Variants in NXPE4 observed in about 807,000 individuals in gnomAD.
NXPE4 encodes neurexophilin and PC-esterase domain family member 4.
A neutral mutation model predicts 33.3 loss-of-function variants in NXPE4; 42 were observed. That is an observed-to-expected ratio of 1.26 (90% CI 0.98 to 1.63). The LOEUF is 1.63. Among genes scored for constraint, NXPE4 ranks in the 40% most tolerant of loss-of-function variants. The pLI is 0.00. For missense variants in NXPE4, 709 were observed against 647.6 expected (o/e 1.09, Z -1.03); for synonymous variants, 253 against 234.9 (o/e 1.08, Z -0.71).
rs368421021 is a variant in NXPE4 at position 114,582,484 on chromosome 11, T to C, written c.634A>G (p.Thr212Ala). 165 of 1,614,148 alleles carry C rather than the reference T, an allele frequency of 1.0e-4. No homozygotes were observed. Among genetic ancestry groups the C allele is most frequent in the Non-Finnish European group, 1.4e-4 (161 of 1,180,008 alleles). The change falls in exon 3 of 6, where the codon ACT (threonine) becomes GCT (alanine). Residue 212 changes from threonine (T) to alanine (A), a missense_variant. Transcript: ENST00000375478. ...VIFTGQFVNG[T>A]SQVHSECGLI... ...CCACATTCAGAGTGGACTTGGGAAGTGCCATTGACAAACTGGCCAGTGAAG... is the reference window on the plus strand; with the variant it reads ...CCACATTCAGAGTGGACTTGGGAAGCGCCATTGACAAACTGGCCAGTGAAG...
chr11:114,663,618 T>TA, the NXPE4 span, among the ~76,000 whole-genome samples: 62 of 95,358 alleles, frequency 6.5e-4, 1 homozygote, highest in Admixed American at 7.2e-3. Flanking sequence ...TCTATCTATC[T>TA]ATCTATCTAT....
rs753626303 is a variant in NXPE4, at chr11:114,582,471, T to C, written c.647A>G (p.His216Arg). The C allele has an allele frequency of 6.2e-7, 1 of 1,614,036 alleles. No individual in the cohort carries two copies. Among genetic ancestry groups the C allele is most frequent in the Non-Finnish European group, 8.5e-7 (1 of 1,179,984 alleles). ...GTTTAGGATCAGGCCACATTCAGAGTGGACTTGGGAAGTGCCATTGACAAA... is the reference window on the plus strand; with the variant it reads ...GTTTAGGATCAGGCCACATTCAGAGCGGACTTGGGAAGTGCCATTGACAAA... ...GQFVNGTSQV[H>R]SECGLILNTN... Residue 216 changes from histidine (H) to arginine (R), a missense_variant, in exon 3 of 6, where the codon CAC becomes CGC. Transcript: ENST00000375478.
the NXPE4 span, among the ~76,000 whole-genome samples, chr11:114,655,572 T>C: frequency 6.6e-6 from 1 of 152,218 alleles, no homozygotes. Context: ...CACCATTTAC[T>C]GAATAGGAGA....
chr11:114,671,929 G>A, the NXPE4 span, among the ~76,000 whole-genome samples: 1 of 152,000 alleles, frequency 6.6e-6, no homozygotes, highest in South Asian at 2.1e-4. Flanking sequence ...AGTAAAAGAG[G>A]TTTAATCGGC....
At chr11:114,601,378 T>G in the NXPE4 span, among the ~76,000 whole-genome samples, 1 of 144,944 alleles carries the variant, frequency 6.9e-6, no homozygotes, top group Non-Finnish European at 1.5e-5. Flanking sequence ...TCACTTAGGA[T>G]AATACCCTCC....
the NXPE4 span, among the ~76,000 whole-genome samples, chr11:114,635,049 T>G: frequency 6.6e-6 from 1 of 152,142 alleles, no homozygotes; most frequent in Admixed American, 6.6e-5. Context: ...ATAAATTACC[T>G]TGGGTAGTAT....
At position 114,582,573 on chromosome 11, in the gene NXPE4, A is replaced by C; in HGVS notation, c.545T>G (p.Ile182Ser). 1.2e-6 allele frequency: 2 copies of C among 1,614,184 alleles called. No individual in the cohort carries two copies. The highest frequency in any genetic ancestry group is 8.5e-7 in the Non-Finnish European group (1 of 1,180,010). Residue 182 changes from isoleucine to serine, a missense_variant, in exon 3 of 6, where the codon ATC becomes AGC. Coordinates refer to ENST00000375478, the MANE Select transcript of NXPE4 (RefSeq NM_001077639.2). ...AGCTGACACCCCTTCACTGGGGTGG[A>C]TGAGCAGCAGAGACAGAGAGACCTG... Reference protein sequence around the residue: ...EGQVSLSLLLIHPSEGVSALW... With the variant: ...EGQVSLSLLLSHPSEGVSALW...
rs547569477 is a variant in NXPE4 at position 114,580,350 on chromosome 11, T to C, written c.893-12A>G. The C allele has an allele frequency of 1.2e-5, 20 of 1,610,762 alleles. No individual in the cohort carries two copies. The highest frequency in any genetic ancestry group is 1.7e-5 in the Non-Finnish European group (20 of 1,177,392). On this transcript the variant is annotated splice_polypyrimidine_tract_variant and intron_variant, in intron 4 of 5. Transcript: ENST00000375478. Reference sequence around the variant, plus strand: ...TGCAACTGTTTCTTCTGCCAAAGAATCAATGAGATAGGATCTTCCAAAACA... The same window carrying C: ...TGCAACTGTTTCTTCTGCCAAAGAACCAATGAGATAGGATCTTCCAAAACA...
chr11:114,604,494 G>A, the NXPE4 span, among the ~76,000 whole-genome samples: 5 of 151,806 alleles, frequency 3.3e-5, no homozygotes, highest in African/African-American at 1.2e-4. Flanking sequence ...TGGATAATAA[G>A]TGTTGCCTCT....
At chr11:114,617,722 C>A in the NXPE4 span, among the ~76,000 whole-genome samples, 1 of 147,752 alleles carries the variant, frequency 6.8e-6, no homozygotes, top group Non-Finnish European at 1.5e-5. Flanking sequence ...TTACCCAATG[C>A]GTAATAAGTA....
In NXPE4 at chr11:114,582,427, G is replaced by C; in HGVS notation, c.691C>G (p.Gln231Glu). 6.2e-7 allele frequency: 1 copy of C among 1,614,114 alleles called. No individual in the cohort carries two copies. Among genetic ancestry groups the C allele is most frequent in the Non-Finnish European group, 8.5e-7 (1 of 1,179,988 alleles). The change falls in exon 3 of 6, where the codon CAG becomes GAG. Residue 231 changes from glutamine to glutamate, a missense_variant. Physicochemically the swap from Gln to Glu is conservative, Grantham distance 29. Transcript: ENST00000375478. ...TCTTGGTCTCTGTTGTCCAGGTACT[G>C]GCACAATTCAGCATTTGTGTTTAGG... ...LILNTNAELCQYLDNRDQEGF... is the reference protein window; with the variant it reads ...LILNTNAELCEYLDNRDQEGF...
At chr11:114,584,085 T>C (rs1949224473) in intron 2 of NXPE4, 1 of 299,720 alleles carries the variant, frequency 3.3e-6, no homozygotes, top group African/African-American at 2.2e-5. Flanking sequence ...AATCTGATCA[T>C]CAAAGGGCAT....
the NXPE4 span, among the ~76,000 whole-genome samples, chr11:114,678,033 T>C: frequency 6.6e-6 from 1 of 152,118 alleles, no homozygotes; most frequent in Non-Finnish European, 1.5e-5. Context: ...TGAATTTAAA[T>C]CATCGCTGTG....
At chr11:114,583,460 G>T in intron 2 of NXPE4, 1 of 665,316 alleles carries the variant, frequency 1.5e-6, no homozygotes, top group Non-Finnish European at 2.8e-6. Flanking sequence ...GTACCACAGT[G>T]ATGACTACAT....
At chr11:114,638,215 C>T in the NXPE4 span, among the ~76,000 whole-genome samples, 10 of 152,080 alleles carry the variant, frequency 6.6e-5, no homozygotes, top group East Asian at 3.9e-4. Context: ...TCATTCATTT[C>T]GTCTTTCATC....
the NXPE4 span, among the ~76,000 whole-genome samples, chr11:114,638,703 G>T: frequency 6.6e-6 from 1 of 152,062 alleles, no homozygotes; most frequent in Non-Finnish European, 1.5e-5. Flanking sequence ...TCAGCTGCAG[G>T]TCTGTTGGTG....
the NXPE4 span, among the ~76,000 whole-genome samples, chr11:114,675,931 C>A: frequency 2.0e-5 from 3 of 151,812 alleles, no homozygotes; most frequent in African/African-American, 7.3e-5. Flanking sequence ...ATAGAGACCC[C>A]AGAAATAAAT....
At chr11:114,676,893 G>C in the NXPE4 span, among the ~76,000 whole-genome samples, 1 of 151,982 alleles carries the variant, frequency 6.6e-6, no homozygotes, top group African/African-American at 2.4e-5. Flanking sequence ...AAGAAATTGT[G>C]TCATATATAC....
At chr11:114,636,633 A>G in the NXPE4 span, among the ~76,000 whole-genome samples, 1 of 151,982 alleles carries the variant, frequency 6.6e-6, no homozygotes. Context: ...CACTGCTTTG[A>G]ATGTGTCCCA....
Sources: allele counts gnomAD v4.1 joint callset (sites outside exome capture counted in the v4.1 genomes callset), GRCh38; gene constraint gnomAD v4.1.1; transcripts MANE v1.5; gene names NCBI Gene and HGNC (gene_info 2026-07-23, HGNC 2026-07-21).